Variants in PARP4 observed in about 807,000 individuals in gnomAD.
PARP4 encodes the protein protein mono-ADP-ribosyltransferase PARP4.
PARP4 carries 120 observed loss-of-function variants against 187.7 expected under a neutral mutation model. That is an observed-to-expected ratio of 0.64 (90% confidence interval 0.55 to 0.74). The LOEUF (loss-of-function observed/expected upper bound fraction) is 0.74, where lower values mean the gene tolerates loss of function less well. Ranked by LOEUF, PARP4 falls within the 30% of genes least tolerant of loss-of-function variation. The pLI, the probability that PARP4 is intolerant of heterozygous loss-of-function variation, is 0.00. For missense variants in PARP4, 1,836 were observed against 2,070.5 expected, an observed-to-expected ratio of 0.89 and a Z score of 2.20; for synonymous variants, 654 against 740.9, an observed-to-expected ratio of 0.88 and a Z score of 1.90.
Position 24,498,199 on chromosome 13 carries a change from C to T in PARP4, c.508G>A (p.Val170Met). 1 of 1,613,336 alleles carries T rather than the reference C, an allele frequency of 6.2e-7. No individual in the cohort carries two copies. The highest frequency in any genetic ancestry group is 8.5e-7 in the Non-Finnish European group (1 of 1,179,852). The change falls in exon 6 of 34, where the codon GTG becomes ATG. Residue 170 changes from valine (V) to methionine (M), a missense_variant. Val to Met is a conservative substitution (Grantham distance 21). This residue lies in a region of PARP4 where 1,147 missense variants were observed against 1,214.2 expected (regional missense o/e 0.94). Transcript: ENST00000381989. Reference sequence around the variant, plus strand: ...TCCCGCGAACACTGAAGCTCCACCACCACAGCTTCCTGGCCTCCCTCCATT... The same window carrying T: ...TCCCGCGAACACTGAAGCTCCACCATCACAGCTTCCTGGCCTCCCTCCATT... The part of the protein sequence containing the change: ...VGMEGGQEAV[V>M]VELQCSRDSR...
intron 16 of PARP4, among the ~76,000 whole-genome samples, chr13:24,469,452 T>C (rs898615115): frequency 6.6e-6 from 1 of 152,224 alleles, no homozygotes; most frequent in African/African-American, 2.4e-5. Flanking sequence ...GACTAATCCT[T>C]ACAATAAACA....
intron 32 of PARP4, among the ~76,000 whole-genome samples, chr13:24,428,737 T>G (rs1445593705): frequency 6.6e-6 from 1 of 152,186 alleles, no homozygotes; most frequent in African/African-American, 2.4e-5. Context: ...CCTCCCAAAG[T>G]GCAGGCATTA....
chr13:24,510,350 C>G (rs1014539161), intron 1 of PARP4, among the ~76,000 whole-genome samples: 4 of 151,898 alleles, frequency 2.6e-5, no homozygotes, highest in African/African-American at 7.3e-5. Flanking sequence ...GTCAGGAGAT[C>G]GAGGCCATCC....
At chr13:24,505,957 C>T (rs763393685) in intron 1 of PARP4, among the ~76,000 whole-genome samples, 17 of 152,360 alleles carry the variant, frequency 1.1e-4, no homozygotes, top group Non-Finnish European at 1.5e-4. Flanking sequence ...CGCCCTGCAC[C>T]GCGATTGGGC....
chr13:24,478,041 C>T, intron 13 of PARP4, 52 bp downstream of exon 13: 1 of 1,413,030 alleles, frequency 7.1e-7, no homozygotes, highest in Non-Finnish European at 9.5e-7. Context: ...AAACTAAGGC[C>T]TTTCTTTGAG....
intron 33 of PARP4, among the ~76,000 whole-genome samples, chr13:24,426,040 A>G (rs1351297660): frequency 3.3e-5 from 5 of 152,124 alleles, no homozygotes; most frequent in Non-Finnish European, 7.3e-5. Flanking sequence ...TTGATTTATA[A>G]CCTTTAAACA....
intron 24 of PARP4, among the ~76,000 whole-genome samples, chr13:24,450,113 A>G (rs1331361800): frequency 1.3e-5 from 2 of 152,168 alleles, no homozygotes; most frequent in Non-Finnish European, 2.9e-5. Context: ...AAACAACCCT[A>G]TAAGGTATCA....
intron 2 of PARP4, 58 bp downstream of exon 2, chr13:24,503,587 C>G (rs775320042): frequency 1.5e-4 from 243 of 1,585,550 alleles, no homozygotes; most frequent in Non-Finnish European, 2.0e-4. Context: ...TAACCATGAC[C>G]CTGTTCCCTG....
intron 15 of PARP4, among the ~76,000 whole-genome samples, chr13:24,473,968 T>G (rs1872850556): frequency 6.6e-6 from 1 of 152,144 alleles, no homozygotes; most frequent in African/African-American, 2.4e-5. Flanking sequence ...GGCTCATGAC[T>G]TTAAACACTA....
At chr13:24,506,342 C>T (rs1423311753) in intron 1 of PARP4, among the ~76,000 whole-genome samples, 1 of 152,140 alleles carries the variant, frequency 6.6e-6, no homozygotes, top group African/African-American at 2.4e-5. Flanking sequence ...AAACAGTGAG[C>T]AGCAACAAAA....
intron 14 of PARP4, among the ~76,000 whole-genome samples, chr13:24,477,314 T>C (rs1771802174): frequency 6.8e-6 from 1 of 147,770 alleles, no homozygotes; most frequent in African/African-American, 2.5e-5. Flanking sequence ...AATTTGTCTC[T>C]AAAAAAAAAA....
At chr13:24,454,736 G>C (rs1246123381) in intron 22 of PARP4, among the ~76,000 whole-genome samples, 1 of 152,122 alleles carries the variant, frequency 6.6e-6, no homozygotes, top group Non-Finnish European at 1.5e-5. Flanking sequence ...CCTCCTCACA[G>C]CAACACTGTG....
At chr13:24,459,917 A>C in intron 18 of PARP4, 55 bp downstream of exon 18, 5 of 1,504,928 alleles carry the variant, frequency 3.3e-6, no homozygotes, top group Non-Finnish European at 4.5e-6. Flanking sequence ...ACAGCCCTCC[A>C]CCACTCCCCC....
In PARP4 at chr13:24,435,441, G is replaced by C. The variant is rs775501817; in HGVS notation, c.3700C>G (p.Arg1234Gly). The C allele has an allele frequency of 6.2e-7, 1 of 1,606,748 alleles. No homozygotes were observed. The highest frequency in any genetic ancestry group is 1.3e-5 in the African/African-American group (1 of 74,408). ...TTCCTATGTTTTCGTTTGGATAAAC[G>C]TAATTCTGGCCACTCAGAGGATGCT... is the stretch of plus-strand genomic sequence containing the variant. ...LLASSEWPEL[R>G]LSKRKHRKIP... The change falls in exon 31 of 34, where the codon CGT becomes GGT. Residue 1234 changes from arginine (R) to glycine (G), a missense_variant. Physicochemically the swap from Arg to Gly is moderately radical, Grantham distance 125. This residue lies in a region of PARP4 where 450 missense variants were observed against 439.2 expected (regional missense o/e 1.02). Coordinates refer to ENST00000381989, the MANE Select transcript of PARP4 (RefSeq NM_006437.4).
intron 1 of PARP4, among the ~76,000 whole-genome samples, chr13:24,508,954 T>C (rs1170954865): frequency 1.3e-5 from 2 of 152,240 alleles, no homozygotes; most frequent in African/African-American, 4.8e-5. Context: ...AAATGAATTA[T>C]TGTTGGAAAA....
chr13:24,496,157 GTTTTC>G (rs979268339), intron 6 of PARP4, among the ~76,000 whole-genome samples: 1 of 152,172 alleles, frequency 6.6e-6, no homozygotes, highest in African/African-American at 2.4e-5. Flanking sequence ...CGATGCTATG[GTTTTC>G]TTTCTCAATG....
intron 31 of PARP4, 141 bp downstream of exon 31, chr13:24,434,254 G>C: frequency 1.9e-6 from 1 of 513,894 alleles, no homozygotes. Context: ...GAAGGAAGCA[G>C]TATGATTTAT....
chr13:24,458,145 T>TG (rs1178447088), intron 20 of PARP4, among the ~76,000 whole-genome samples: 2 of 150,802 alleles, frequency 1.3e-5, no homozygotes, highest in Non-Finnish European at 3.0e-5. Context: ...AGTCTCGCTC[T>TG]GACGCCCAGG....
Position 24,420,956 on chromosome 13 carries a change from C to A in PARP4, c.*163G>T. The A allele has an allele frequency of 1.4e-6, 1 of 690,406 alleles. No homozygotes were observed. The allele number at this position is 690,406 out of a possible 1,614,324, so 42.8% of individuals were successfully genotyped here. On this transcript the variant is annotated 3_prime_UTR_variant, in exon 34 of 34. Transcript: ENST00000381989. ...TATTTTAAGTTTCATTTTATTATTG[C>A]TTGTTAGTTGATTAAAGTAATTCTT...
Sources: gnomAD v4.1 joint callset for allele counts (sites outside exome capture counted in the v4.1 genomes callset) on GRCh38, gnomAD v4.1.1 for gene constraint, gnomAD v4.1.1 regional missense constraint, MANE v1.5 for transcripts, NCBI Gene and HGNC (gene_info 2026-07-23, HGNC 2026-07-21) for gene names.